The following P2RY10 variants were observed in gnomAD, a reference collection of about 807,000 sequenced individuals.
P2RY10 encodes the protein P2Y receptor family member 10, also known as putative P2Y purinoceptor 10.
Under a neutral mutation model 12.1 loss-of-function variants are expected in P2RY10, and 4 were observed. That is an observed-to-expected ratio of 0.33 (90% CI 0.16 to 0.76). The LOEUF (loss-of-function observed/expected upper bound fraction) is 0.76. P2RY10 is among the 30% of genes least tolerant of loss of function. The pLI is 0.61. For synonymous variants in P2RY10, 112 were observed against 94.1 expected (o/e 1.19, Z -1.10); for missense variants, 233 against 264.6 (o/e 0.88, Z 0.83).
At chrX:78,953,792 G>T (rs1350884394) in intron 3 of P2RY10, among the ~76,000 whole-genome samples, 1 of 112,014 alleles carries the variant, frequency 8.9e-6, no homozygotes, top group Non-Finnish European at 1.9e-5. Context: ...TGGATTCCCT[G>T]TGTCCCATTT....
chrX:78,954,415 A>C (rs1922243596), intron 3 of P2RY10, among the ~76,000 whole-genome samples: 1 of 110,625 alleles, frequency 9.0e-6, no homozygotes, highest in African/African-American at 3.3e-5. Context: ...TTTCCTTTAG[A>C]TATATCATTC....
At chrX:78,954,118 C>T (rs182163869) in intron 3 of P2RY10, among the ~76,000 whole-genome samples, 10 of 111,666 alleles carry the variant, frequency 9.0e-5, no homozygotes, top group African/African-American at 2.9e-4. Flanking sequence ...AGCGATCCAC[C>T]CACCTGGGCA....
intron 2 of P2RY10, among the ~76,000 whole-genome samples, chrX:78,950,880 A>T (rs1210963148): frequency 8.9e-6 from 1 of 111,893 alleles, no homozygotes; most frequent in Non-Finnish European, 1.9e-5. Context: ...AAAGTCACTT[A>T]CTCCTGCTGA....
intron 2 of P2RY10, 32 bp from the exon 3 acceptor site, chrX:78,952,161 A>T: frequency 7.0e-6 from 5 of 718,810 alleles, no homozygotes; most frequent in Non-Finnish European, 8.2e-6. Flanking sequence ...TATTTCAGAG[A>T]TGGTGGCTGA....
intron 3 of P2RY10, among the ~76,000 whole-genome samples, chrX:78,955,533 G>A (rs976123393): frequency 8.9e-6 from 1 of 112,122 alleles, no homozygotes; most frequent in African/African-American, 3.2e-5. Context: ...TGGTAACAGA[G>A]TTGGCCTTGT....
chrX:78,949,075 TAA>T (rs751616645), intron 2 of P2RY10, among the ~76,000 whole-genome samples: 5 of 112,163 alleles, frequency 4.5e-5, no homozygotes, highest in Middle Eastern at 4.6e-3. Flanking sequence ...CACTTTTTAA[TAA>T]TAGCCATTCT....
chrX:78,960,406 A>T (rs1375280697), intron 3 of P2RY10, 102 bp from the exon 4 acceptor site: 2 of 608,669 alleles, frequency 3.3e-6, no homozygotes, highest in Non-Finnish European at 5.0e-6. Context: ...GTCTCTTCTA[A>T]TTCTAATAGT....
intron 3 of P2RY10, among the ~76,000 whole-genome samples, chrX:78,959,593 T>C (rs1469213032): frequency 8.9e-6 from 1 of 112,133 alleles, no homozygotes; most frequent in African/African-American, 3.2e-5. Flanking sequence ...TAATGATTAC[T>C]TTAATGAATA....
chrX:78,953,789 C>T (rs761797092), intron 3 of P2RY10, among the ~76,000 whole-genome samples: 2 of 112,147 alleles, frequency 1.8e-5, no homozygotes, highest in East Asian at 5.6e-4. Flanking sequence ...ATTTGGATTC[C>T]CTGTGTCCCA....
chrX:78,951,546 G>C (rs1400019744), intron 2 of P2RY10, among the ~76,000 whole-genome samples: 1 of 111,212 alleles, frequency 9.0e-6, no homozygotes, highest in Non-Finnish European at 1.9e-5. Context: ...GGTGTTCGAA[G>C]AAGAGGGGAG....
intron 3 of P2RY10, among the ~76,000 whole-genome samples, chrX:78,953,218 C>T (rs768292110): frequency 3.6e-5 from 4 of 111,675 alleles, no homozygotes; most frequent in Non-Finnish European, 5.6e-5. Flanking sequence ...ATTTGGCCAA[C>T]TATTTAATCT....
chrX:78,951,677 G>A (rs1394209457), intron 2 of P2RY10, among the ~76,000 whole-genome samples: 1 of 111,724 alleles, frequency 9.0e-6, no homozygotes, highest in Admixed American at 9.5e-5. Context: ...TGGAGTTTTA[G>A]TCATAACTTT....
chrX:78,959,236 C>T lies in P2RY10; in HGVS notation c.-13-1272C>T, dbSNP rs1482252889. Among the ~76,000 whole-genome samples the T allele has an allele frequency of 2.7e-5, 3 of 111,003 alleles. No homozygotes were observed. In the East Asian group the frequency reaches 8.5e-4, roughly 31 times the overall value. On this transcript the variant is annotated intron_variant, in intron 3 of 3. Coordinates refer to ENST00000171757, the MANE Select transcript of P2RY10 (RefSeq NM_014499.4). The stretch of plus-strand genomic sequence containing the variant: ...GAAGGGTGTGCATGGAAGCAAGGTC[C>T]CTTGTCCTCCCATTTCGAGTCTCAG...
chrX:78,956,287 G>C (rs1416344298), intron 3 of P2RY10, among the ~76,000 whole-genome samples: 1 of 111,264 alleles, frequency 9.0e-6, no homozygotes, highest in Non-Finnish European at 1.9e-5. Context: ...GAGGTGAAAA[G>C]GATAGGTGCA....
chrX:78,950,391 C>G (rs1049939349), intron 2 of P2RY10, among the ~76,000 whole-genome samples: 1 of 110,808 alleles, frequency 9.0e-6, no homozygotes, highest in African/African-American at 3.3e-5. Flanking sequence ...AGGGAAAGAG[C>G]GTATCAGAGC....
At chrX:78,948,464 T>G (rs1921948470) in intron 2 of P2RY10, among the ~76,000 whole-genome samples, 1 of 112,090 alleles carries the variant, frequency 8.9e-6, no homozygotes. Context: ...TTTTCTTTTT[T>G]TCATTTCTAT....
At chrX:78,948,737 G>A (rs1921964607) in intron 2 of P2RY10, among the ~76,000 whole-genome samples, 1 of 111,414 alleles carries the variant, frequency 9.0e-6, no homozygotes, top group African/African-American at 3.3e-5. Context: ...TCACTCCTGT[G>A]TTACTTTACT....
At chrX:78,958,540 A>G (rs1922453983) in intron 3 of P2RY10, among the ~76,000 whole-genome samples, 1 of 112,343 alleles carries the variant, frequency 8.9e-6, no homozygotes, top group Admixed American at 9.4e-5. Context: ...ACTTAAGGCA[A>G]TTTACTGAAT....
chrX:78,963,652 C>G lies in P2RY10; in HGVS notation c.*2112C>G, dbSNP rs1216383347. 9.0e-6 allele frequency among the ~76,000 whole-genome samples: 1 copy of G among 111,152 alleles called. No individual in the cohort carries two copies. The highest frequency in any genetic ancestry group is 1.9e-5 in the Non-Finnish European group (1 of 52,790). The stretch of plus-strand genomic sequence containing the variant: ...CTACCATTTAAGTGGAATCTTTGAA[C>G]TTTTTTTTTGACATGTGAATCTCTA... On this transcript the variant is annotated 3_prime_UTR_variant, in exon 4 of 4. Transcript: ENST00000171757.
Sources: gnomAD v4.1 joint callset for allele counts (sites outside exome capture counted in the v4.1 genomes callset) on GRCh38, gnomAD v4.1.1 for gene constraint, MANE v1.5 for transcripts, NCBI Gene and HGNC (gene_info 2026-07-23, HGNC 2026-07-21) for gene names.